Variants in INPP4B observed in about 807,000 individuals in gnomAD.
INPP4B encodes inositol polyphosphate 4-phosphatase type II.
A neutral mutation model predicts 122.5 loss-of-function variants in INPP4B; 55 were observed. The observed-to-expected ratio is 0.45, with a 90% CI of 0.36 to 0.56. The LOEUF (loss-of-function observed/expected upper bound fraction) is 0.56. Among genes scored for constraint, INPP4B ranks in the 20% least tolerant of loss-of-function variants. The probability of loss-of-function intolerance (pLI) is 0.00; values close to 1 mark genes in which losing one functional copy is unlikely to be tolerated. For synonymous variants in INPP4B, 403 were observed against 388.7 expected, an observed-to-expected ratio of 1.04 and a Z score of -0.43; for missense variants, 1,000 against 1,097.7, an observed-to-expected ratio of 0.91 and a Z score of 1.26.
intron 2 of INPP4B, among the ~76,000 whole-genome samples, chr4:142,677,514 A>G (rs898360508): frequency 1.3e-5 from 2 of 152,140 alleles, no homozygotes; most frequent in East Asian, 3.9e-4. Context: ...AGGATTATAA[A>G]TCATTCTAGT....
At chr4:142,072,770 G>T (rs978505713) in intron 25 of INPP4B, among the ~76,000 whole-genome samples, 2 of 152,062 alleles carry the variant, frequency 1.3e-5, no homozygotes, top group Middle Eastern at 3.4e-3. Context: ...CTCTTTTAGC[G>T]CTCATGACAA....
intron 10 of INPP4B, 77 bp downstream of exon 10, chr4:142,270,586 G>T: frequency 4.1e-6 from 4 of 967,306 alleles, no homozygotes; most frequent in Non-Finnish European, 5.0e-6. Flanking sequence ...ACCCCACAGA[G>T]ATGTTGGTGA....
At chr4:142,362,066 A>T (rs1055696175) in intron 7 of INPP4B, among the ~76,000 whole-genome samples, 1 of 151,790 alleles carries the variant, frequency 6.6e-6, no homozygotes, top group African/African-American at 2.4e-5. Flanking sequence ...GATGTTAGAG[A>T]AGTTTAGAGG....
intron 2 of INPP4B, among the ~76,000 whole-genome samples, chr4:142,680,472 C>A (rs916551286): frequency 1.3e-5 from 2 of 151,698 alleles, no homozygotes; most frequent in Non-Finnish European, 2.9e-5. Flanking sequence ...CAACCTGATT[C>A]TTTGTTTATA....
intron 12 of INPP4B, among the ~76,000 whole-genome samples, chr4:142,229,703 A>T (rs1853310560): frequency 1.3e-5 from 2 of 152,192 alleles, no homozygotes; most frequent in African/African-American, 2.4e-5. Context: ...GATGAAGCTA[A>T]TGCATCTCCA....
chr4:142,405,391 C>A (rs1579972191), intron 5 of INPP4B, 67 bp from the exon 6 acceptor site: 2 of 1,000,146 alleles, frequency 2.0e-6, no homozygotes, highest in Admixed American at 1.8e-5. Flanking sequence ...ACTTCTGCGC[C>A]GGGCTGAAAG....
chr4:142,807,156 T>C (rs1272681339), intron 1 of INPP4B, among the ~76,000 whole-genome samples: 2 of 152,180 alleles, frequency 1.3e-5, no homozygotes, highest in Admixed American at 1.3e-4. Context: ...CTGATTGTGC[T>C]TATTAGCCAG....
At chr4:142,076,600 G>GA (rs1457237051) in intron 25 of INPP4B, among the ~76,000 whole-genome samples, 3 of 151,924 alleles carry the variant, frequency 2.0e-5, no homozygotes, top group Non-Finnish European at 4.4e-5. Context: ...AGCAATCATG[G>GA]AAGACCTGTT....
chr4:142,305,821 T>A (rs1187880948), intron 8 of INPP4B: 1 of 1,170,966 alleles, frequency 8.5e-7, no homozygotes, highest in Non-Finnish European at 1.1e-6. Context: ...AACTATAATT[T>A]TCTCTGCATA....
At chr4:142,587,707 T>C (rs1736535829) in intron 2 of INPP4B, among the ~76,000 whole-genome samples, 1 of 152,110 alleles carries the variant, frequency 6.6e-6, no homozygotes, top group Non-Finnish European at 1.5e-5. Context: ...CTTTTAGTTA[T>C]TTTTAAATGT....
At chr4:142,051,128 T>C (rs1268469141) in intron 25 of INPP4B, among the ~76,000 whole-genome samples, 1 of 152,008 alleles carries the variant, frequency 6.6e-6, no homozygotes, top group Non-Finnish European at 1.5e-5. Context: ...AAAATAAATA[T>C]ATAGGTTTCT....
At chr4:142,066,119 T>C (rs1052882967) in intron 25 of INPP4B, among the ~76,000 whole-genome samples, 2 of 152,196 alleles carry the variant, frequency 1.3e-5, no homozygotes, top group African/African-American at 4.8e-5. Flanking sequence ...CAACCCCAAA[T>C]AATGCCCCAT....
At position 142,024,916 on chromosome 4, in the gene INPP4B, GA is replaced by G. The variant is rs1171836911; in HGVS notation, c.*3865del. On this transcript the variant is annotated 3_prime_UTR_variant, in exon 26 of 26. Transcript: ENST00000262992. Reference sequence around the variant, plus strand: ...AAAGGTGATTTAATAATTTAATTATGAATAAAATATAGTCATCAAATATGAC... The same window carrying G: ...AAAGGTGATTTAATAATTTAATTATGATAAAATATAGTCATCAAATATGAC... The G allele has an allele frequency of 6.6e-6, 1 of 151,992 alleles. No homozygotes were observed. The highest frequency in any genetic ancestry group is 1.5e-5 in the Non-Finnish European group (1 of 68,002). The allele number at this position is 151,992 out of a possible 1,614,324, so 9.4% of individuals were successfully genotyped here. A position where few individuals can be genotyped will look rare whatever the true frequency, so the allele number is the denominator to read the frequency against.
intron 17 of INPP4B, among the ~76,000 whole-genome samples, chr4:142,160,142 C>T (rs887296929): frequency 4.0e-5 from 6 of 151,898 alleles, no homozygotes; most frequent in Non-Finnish European, 7.4e-5. Flanking sequence ...CAGATTCTCA[C>T]TTAAACATAT....
chr4:142,032,996 C>G (rs1741321405), intron 25 of INPP4B, among the ~76,000 whole-genome samples: 1 of 151,626 alleles, frequency 6.6e-6, no homozygotes, highest in African/African-American at 2.4e-5. Flanking sequence ...AAAAATATCA[C>G]CAGGTCCTTG....
chr4:142,611,532 CTTTTA>C (rs1742499157), intron 2 of INPP4B, among the ~76,000 whole-genome samples: 1 of 147,956 alleles, frequency 6.8e-6, no homozygotes, highest in Non-Finnish European at 1.5e-5. Flanking sequence ...ATACATATAT[CTTTTA>C]TTTTTTCGTT....
At position 142,256,140 on chromosome 4, in the gene INPP4B, T is replaced by A. The variant is rs1249020200; in HGVS notation, c.688+4352A>T. On this transcript the variant is annotated intron_variant, in intron 11 of 25. Coordinates refer to ENST00000262992, the MANE Select transcript of INPP4B (RefSeq NM_001101669.3). The stretch of plus-strand genomic sequence containing the variant: ...AACGAAATGAAGGCAGAAATAAAGA[T>A]GTTCTTTGAAACCAACGAGAACAAA... Among the ~76,000 whole-genome samples the A allele has an allele frequency of 4.7e-5, 7 of 149,520 alleles. No individual in the cohort carries two copies. In the East Asian group the frequency reaches 1.4e-3, roughly 30 times the overall value.
intron 2 of INPP4B, among the ~76,000 whole-genome samples, chr4:142,639,995 AC>A (rs902325549): frequency 4.6e-5 from 7 of 152,120 alleles, no homozygotes; most frequent in Admixed American, 6.6e-5. Context: ...AGTGAGGTAT[AC>A]CCTTTCTAGC....
chr4:142,343,403 A>T (rs940963275), intron 7 of INPP4B, among the ~76,000 whole-genome samples: 1 of 152,044 alleles, frequency 6.6e-6, no homozygotes, highest in African/African-American at 2.4e-5. Context: ...AGGAGTAGAT[A>T]GATATAGGGC....
Sources: gnomAD v4.1 joint callset for allele counts (sites outside exome capture counted in the v4.1 genomes callset) on GRCh38, gnomAD v4.1.1 for gene constraint, MANE v1.5 for transcripts, NCBI Gene and HGNC (gene_info 2026-07-23, HGNC 2026-07-21) for gene names.